The following PRR15L variants were observed in gnomAD, a reference collection of about 807,000 sequenced individuals.
PRR15L encodes the protein proline-rich protein 15-like protein.
In PRR15L, 1 loss-of-function variant was observed where a neutral mutation model predicts 3.7. The observed-to-expected ratio is 0.27, with a 90% CI of 0.09 to 1.27. The LOEUF (loss-of-function observed/expected upper bound fraction) is 1.27. Ranked by LOEUF, PRR15L falls within the 50% of genes most tolerant of loss-of-function variation. PRR15L has a pLI of 0.47. For synonymous variants in PRR15L, 57 were observed against 51.9 expected (o/e 1.10, Z -0.42); for missense variants, 127 against 128.7 (o/e 0.99, Z 0.06).
In PRR15L at chr17:47,951,987, T is replaced by G. The variant is rs537572684; in HGVS notation, c.*936A>C. ...AACAGTTTGAGCACAAAGGTCCACT[T>G]TACTTACATGAAGGAACATAAAGGC... On this transcript the variant is annotated 3_prime_UTR_variant, in exon 2 of 2. Coordinates refer to ENST00000300557, the MANE Select transcript of PRR15L (RefSeq NM_024320.4). The G allele has an allele frequency of 6.6e-6, 1 of 152,152 alleles. No individual in the cohort carries two copies. The highest frequency in any genetic ancestry group is 1.5e-5 in the Non-Finnish European group (1 of 68,024). 9.4% of individuals were successfully genotyped at this position (152,152 alleles called of 1,614,324 possible). A position where few individuals can be genotyped will look rare whatever the true frequency, so the allele number is the denominator to read the frequency against.
chr17:47,952,701 T>C lies in PRR15L; in HGVS notation c.*222A>G. 2.1e-6 allele frequency: 1 copy of C among 486,386 alleles called. No individual in the cohort carries two copies. Among genetic ancestry groups the C allele is most frequent in the East Asian group, 3.2e-5 (1 of 31,724 alleles). The allele number at this position is 486,386 out of a possible 1,614,324, so 30.1% of individuals were successfully genotyped here. On this transcript the variant is annotated 3_prime_UTR_variant, in exon 2 of 2. Coordinates refer to ENST00000300557, the MANE Select transcript of PRR15L (RefSeq NM_024320.4). The stretch of plus-strand genomic sequence containing the variant: ...CTTTTCACTCTTGAACTAGAGTGCC[T>C]TTGTATGTGGTCAGGGGGAGGGTGG...
At position 47,957,749 on chromosome 17, in the gene PRR15L, C is replaced by T. The variant is rs976020180; in HGVS notation, c.-122G>A. ...GCCTGGGAGGGTGAGACTCGGGAAG[C>T]AAGTGGTGCCTCCGGGCTGCTGTAT... On this transcript the variant is annotated 5_prime_UTR_variant, in exon 1 of 2. Coordinates refer to ENST00000300557, the MANE Select transcript of PRR15L (RefSeq NM_024320.4). 9 of 152,416 alleles carry T rather than the reference C, an allele frequency of 5.9e-5. No individual in the cohort carries two copies. The highest frequency in any genetic ancestry group is 1.9e-4 in the African/African-American group (8 of 41,424). The allele number at this position is 152,416 out of a possible 1,614,324, so 9.4% of individuals were successfully genotyped here.
chr17:47,955,055 G>A (rs1302774025), intron 1 of PRR15L, among the ~76,000 whole-genome samples: 1 of 150,732 alleles, frequency 6.6e-6, no homozygotes, highest in African/African-American at 2.4e-5. Context: ...TCAGCCTCCC[G>A]AGGAGCTGGG....
At chr17:47,954,931 T>G (rs114263199) in intron 1 of PRR15L, among the ~76,000 whole-genome samples, 6,269 of 145,508 alleles carry the variant, frequency 0.043, 155 homozygotes, top group Middle Eastern at 0.077. Context: ...GCCTTTTTTT[T>G]TTCTTTTTTT....
intron 1 of PRR15L, among the ~76,000 whole-genome samples, chr17:47,956,240 A>G (rs564336804): frequency 6.6e-6 from 1 of 152,342 alleles, no homozygotes; most frequent in Admixed American, 6.5e-5. Context: ...AGGCAGGAGG[A>G]TTGCTTGAGG....
At chr17:47,955,083 C>T (rs924719064) in intron 1 of PRR15L, among the ~76,000 whole-genome samples, 20 of 152,082 alleles carry the variant, frequency 1.3e-4, no homozygotes, top group Admixed American at 7.9e-4. Flanking sequence ...GCATGCGCCA[C>T]CACGCCCGGC....
intron 1 of PRR15L, among the ~76,000 whole-genome samples, chr17:47,955,794 T>C (rs1439082093): frequency 1.3e-5 from 2 of 152,144 alleles, no homozygotes; most frequent in Non-Finnish European, 2.9e-5. Context: ...GCTTGGTCTG[T>C]GGGTGCCCGA....
chr17:47,953,556 G>A (rs1048197698), intron 1 of PRR15L, among the ~76,000 whole-genome samples: 4 of 151,892 alleles, frequency 2.6e-5, no homozygotes, highest in Non-Finnish European at 5.9e-5. Context: ...CTACTCGGGT[G>A]GCTGAGGCAG....
chr17:47,955,134 G>A (rs1296600094), intron 1 of PRR15L, among the ~76,000 whole-genome samples: 5 of 151,956 alleles, frequency 3.3e-5, no homozygotes, highest in Non-Finnish European at 7.4e-5. Flanking sequence ...TCTCCATGTT[G>A]GTCAGGCTGG....
rs2036087298 is a variant in PRR15L, at chr17:47,953,090, T to C, written c.145A>G (p.Ser49Gly). The change falls in exon 2 of 2, where the codon AGC becomes GGC. Residue 49 changes from serine (S) to glycine (G), a missense_variant. Physicochemically the swap from Ser to Gly is moderately conservative, Grantham distance 56. Transcript: ENST00000300557. ...TTCTCCAGGCGGGTGTTAAAGTCGC[T>C]GTTGGGGCCTCCAGCGTCAGGCCTC... ...PPRPDAGGPN[S>G]DFNTRLEKIV... 2 of 1,614,170 alleles carry C rather than the reference T, an allele frequency of 1.2e-6. No homozygotes were observed. Among genetic ancestry groups the C allele is most frequent in the South Asian group, 1.1e-5 (1 of 91,084 alleles).
In PRR15L at chr17:47,952,037, T is replaced by G. The variant is rs2036071135; in HGVS notation, c.*886A>C. 6.6e-6 allele frequency: 1 copy of G among 152,228 alleles called. No homozygotes were observed. Among genetic ancestry groups the G allele is most frequent in the South Asian group, 2.1e-4 (1 of 4,828 alleles). 9.4% of individuals were successfully genotyped at this position (152,228 alleles called of 1,614,324 possible). On this transcript the variant is annotated 3_prime_UTR_variant, in exon 2 of 2. Transcript: ENST00000300557. Reference sequence around the variant, plus strand: ...CATGAGAAACAGTCATCTCAATAAATGCAAGACATGAGCATAAAAGAGGTT... The same window carrying G: ...CATGAGAAACAGTCATCTCAATAAAGGCAAGACATGAGCATAAAAGAGGTT...
At chr17:47,956,412 C>T (rs2036129359) in intron 1 of PRR15L, among the ~76,000 whole-genome samples, 1 of 152,180 alleles carries the variant, frequency 6.6e-6, no homozygotes, top group African/African-American at 2.4e-5. Flanking sequence ...GCAGAGGTTG[C>T]AGTGAGCTGA....
chr17:47,955,461 C>T (rs993281322), intron 1 of PRR15L, among the ~76,000 whole-genome samples: 1 of 151,980 alleles, frequency 6.6e-6, no homozygotes, highest in Non-Finnish European at 1.5e-5. Flanking sequence ...AGCACACAGC[C>T]GGTGGATTCC....
At position 47,952,980 on chromosome 17, in the gene PRR15L, C is replaced by A; in HGVS notation, c.255G>T (p.Thr85=). 1 of 1,614,158 alleles carries A rather than the reference C, an allele frequency of 6.2e-7. No individual in the cohort carries two copies. The highest frequency in any genetic ancestry group is 1.1e-5 in the South Asian group (1 of 91,082). The change falls in exon 2 of 2, where the codon ACG becomes ACT. Residue 85 remains threonine, a synonymous_variant. Coordinates refer to ENST00000300557, the MANE Select transcript of PRR15L (RefSeq NM_024320.4). ...RFKEKKKVRA[T]LAENPNLFDD... Reference sequence around the variant, plus strand: ...CAAAGAGGTTAGGGTTCTCTGCCAGCGTGGCTCTCACTTTCTTCTTCTCCT... The same window carrying A: ...CAAAGAGGTTAGGGTTCTCTGCCAGAGTGGCTCTCACTTTCTTCTTCTCCT...
intron 1 of PRR15L, among the ~76,000 whole-genome samples, chr17:47,954,622 C>A (rs1190141270): frequency 6.6e-6 from 1 of 152,138 alleles, no homozygotes; most frequent in South Asian, 2.1e-4. Flanking sequence ...TATGAGCTAG[C>A]GGAACTTCTC....
chr17:47,955,948 G>T (rs1200740319), intron 1 of PRR15L, among the ~76,000 whole-genome samples: 3 of 152,222 alleles, frequency 2.0e-5, no homozygotes, highest in African/African-American at 7.2e-5. Context: ...AGAGAAAAGG[G>T]CTTCTGCCTG....
chr17:47,954,731 A>G (rs2036109310), intron 1 of PRR15L, among the ~76,000 whole-genome samples: 4 of 152,196 alleles, frequency 2.6e-5, no homozygotes, highest in Admixed American at 1.3e-4. Context: ...CAGAACAGGT[A>G]GAGGAACACT....
chr17:47,954,283 C>T (rs1330821184), intron 1 of PRR15L, among the ~76,000 whole-genome samples: 1 of 152,200 alleles, frequency 6.6e-6, no homozygotes, highest in African/African-American at 2.4e-5. Flanking sequence ...CCATCCAGCA[C>T]TAGCATTTAG....
At position 47,953,195 on chromosome 17, in the gene PRR15L, G is replaced by C. The variant is rs770662166; in HGVS notation, c.40C>G (p.Arg14Gly). The change falls in exon 2 of 2, where the codon CGG becomes GGG. Residue 14 changes from arginine (R) to glycine (G), a missense_variant. By Grantham distance (125) the Arg-to-Gly change is moderately radical (BLOSUM62 -2). Transcript: ENST00000300557. Reference protein sequence around the residue: ...EIGWWKLTFLRKKKSTPKVLY... With the variant: ...EIGWWKLTFLGKKKSTPKVLY... ...ACTTTGGGAGTGGATTTCTTTTTCC[G>C]GAGGAAAGTCAGCTTCCACCAACCA... 6.3e-7 allele frequency: 1 copy of C among 1,597,276 alleles called. No individual in the cohort carries two copies. The highest frequency in any genetic ancestry group is 8.6e-7 in the Non-Finnish European group (1 of 1,169,542).
Sources: allele counts gnomAD v4.1 joint callset (sites outside exome capture counted in the v4.1 genomes callset), GRCh38; gene constraint gnomAD v4.1.1; transcripts MANE v1.5; gene names NCBI Gene and HGNC (gene_info 2026-07-23, HGNC 2026-07-21).